Variants in CDA observed in about 807,000 individuals in gnomAD.
CDA encodes cytidine deaminase, also known as cytidine aminohydrolase.
A neutral mutation model predicts 15.0 loss-of-function variants in CDA; 7 were observed. The ratio of observed to expected loss-of-function variants is 0.47; its 90% CI spans 0.26 to 0.87. The LOEUF is 0.87. CDA is among the 40% of genes least tolerant of loss of function. CDA has a pLI of 0.15. For synonymous variants in CDA, 58 were observed against 73.0 expected (o/e 0.79, Z 1.05); for missense variants, 159 against 182.7 (o/e 0.87, Z 0.75).
At chr1:20,612,476 C>T (rs1399534720) in intron 2 of CDA, among the ~76,000 whole-genome samples, 3 of 151,904 alleles carry the variant, frequency 2.0e-5, no homozygotes, top group African/African-American at 7.3e-5. Context: ...CAATGAGTCT[C>T]ACGGTCTCCC....
intron 3 of CDA, among the ~76,000 whole-genome samples, chr1:20,615,963 G>A (rs1325403258): frequency 1.3e-5 from 2 of 152,130 alleles, no homozygotes; most frequent in Admixed American, 1.3e-4. Flanking sequence ...TCAAGCCACT[G>A]CACTCCTGCC....
At position 20,589,216 on chromosome 1, in the gene CDA, C is replaced by T. The variant is rs2101170934; in HGVS notation, c.87C>T (p.Ala29=). 6.2e-7 allele frequency: 1 copy of T among 1,613,824 alleles called. No individual in the cohort carries two copies. The highest frequency in any genetic ancestry group is 8.5e-7 in the Non-Finnish European group (1 of 1,179,770). ...LVCSQEAKKS[A]YCPYSHFPVG... Reference sequence around the variant, plus strand: ...GCTCCCAGGAGGCCAAGAAGTCAGCCTACTGCCCCTACAGTCACTTTCCTG... The same window carrying T: ...GCTCCCAGGAGGCCAAGAAGTCAGCTTACTGCCCCTACAGTCACTTTCCTG... The change falls in exon 1 of 4, where the codon GCC becomes GCT. Residue 29 remains alanine, a synonymous_variant. Transcript: ENST00000375071.
intron 1 of CDA, among the ~76,000 whole-genome samples, chr1:20,591,164 T>C (rs2052545625): frequency 1.3e-5 from 2 of 151,872 alleles, no homozygotes; most frequent in African/African-American, 4.8e-5. Context: ...ACGGTGAAAC[T>C]CCATCTCTAC....
intron 1 of CDA, among the ~76,000 whole-genome samples, chr1:20,591,388 C>T (rs2052547855): frequency 6.6e-6 from 1 of 152,150 alleles, no homozygotes; most frequent in Admixed American, 6.5e-5. Flanking sequence ...AGGAGGCACA[C>T]TTTCACTCAT....
In CDA at chr1:20,614,102, C is replaced by CGAGT. The variant is rs373249460; in HGVS notation, c.324+209_324+212dup. On this transcript the variant is annotated intron_variant, in intron 3 of 3. Coordinates refer to ENST00000375071, the MANE Select transcript of CDA (RefSeq NM_001785.3). ...ATTCCTTCATTTAACAAATACTTAC[C>CGAGT]GAGTGAGTGTCTGCTTTGTGCCAGG... 4.3e-3 allele frequency among the ~76,000 whole-genome samples: 651 copies of CGAGT among 152,288 alleles called. 6 individuals carry two copies. Among genetic ancestry groups the CGAGT allele is most frequent in the African/African-American group, 0.015 (611 of 41,550 alleles).
intron 2 of CDA, among the ~76,000 whole-genome samples, chr1:20,605,282 G>A (rs981806246): frequency 2.0e-5 from 3 of 152,052 alleles, no homozygotes; most frequent in African/African-American, 4.8e-5. Flanking sequence ...ACAAGGGCCA[G>A]TATGCCCCTG....
chr1:20,613,307 G>A (rs567671505), intron 2 of CDA, among the ~76,000 whole-genome samples: 9 of 152,002 alleles, frequency 5.9e-5, no homozygotes, highest in African/African-American at 1.2e-4. Context: ...GGATTCAAGC[G>A]ATTCTTCTGC....
intron 1 of CDA, among the ~76,000 whole-genome samples, chr1:20,590,523 C>T (rs1355947325): frequency 2.0e-5 from 3 of 152,170 alleles, no homozygotes; most frequent in Non-Finnish European, 4.4e-5. Flanking sequence ...GAAATCAGCC[C>T]TTGATTCTTT....
intron 3 of CDA, among the ~76,000 whole-genome samples, chr1:20,615,107 A>T (rs1335467475): frequency 6.6e-6 from 1 of 151,886 alleles, no homozygotes; most frequent in Non-Finnish European, 1.5e-5. Flanking sequence ...TTATCTGCCC[A>T]CCTCGGCCTC....
intron 2 of CDA, among the ~76,000 whole-genome samples, chr1:20,612,756 A>G (rs2052764769): frequency 6.6e-6 from 1 of 151,962 alleles, no homozygotes; most frequent in East Asian, 1.9e-4. Context: ...CATCCTGGCT[A>G]ACATAGTGAA....
chr1:20,604,918 C>G lies in CDA; in HGVS notation c.155-10C>G, dbSNP rs774961036. 9 of 1,586,264 alleles carry G rather than the reference C, an allele frequency of 5.7e-6. No homozygotes were observed. The highest frequency in any genetic ancestry group is 2.2e-5 in the South Asian group (2 of 89,362). ...GCCAGACATACCACTGGACTCTGCT[C>G]TCTTCTCAGGGTGCAACATAGAAAA... On this transcript the variant is annotated splice_polypyrimidine_tract_variant and intron_variant, in intron 1 of 3. Transcript: ENST00000375071.
chr1:20,618,119 G>A (rs1196919549), intron 3 of CDA, among the ~76,000 whole-genome samples: 21 of 151,632 alleles, frequency 1.4e-4, no homozygotes, highest in Admixed American at 1.4e-3. Flanking sequence ...AGGTGTAAAG[G>A]GGATACTGAA....
At chr1:20,589,540 G>C (rs1241274349) in intron 1 of CDA, among the ~76,000 whole-genome samples, 1 of 152,160 alleles carries the variant, frequency 6.6e-6, no homozygotes, top group Non-Finnish European at 1.5e-5. Context: ...GGAAGGGGAG[G>C]CCATAAATCA....
At chr1:20,590,148 C>G (rs767651984) in intron 1 of CDA, among the ~76,000 whole-genome samples, 1 of 152,138 alleles carries the variant, frequency 6.6e-6, no homozygotes, top group African/African-American at 2.4e-5. Context: ...TCGGGTGTGA[C>G]TTGCCTGGGT....
intron 1 of CDA, among the ~76,000 whole-genome samples, chr1:20,598,874 C>T (rs2052612512): frequency 6.6e-6 from 1 of 152,192 alleles, no homozygotes; most frequent in African/African-American, 2.4e-5. Flanking sequence ...TTCACTGTTC[C>T]AGGCCCAGGA....
At chr1:20,601,123 G>A (rs763097924) in intron 1 of CDA, among the ~76,000 whole-genome samples, 2 of 152,212 alleles carry the variant, frequency 1.3e-5, no homozygotes, top group African/African-American at 2.4e-5. Context: ...CCAGACCTCA[G>A]GGGCAACTGG....
At chr1:20,613,947 C>A in intron 3 of CDA, 48 bp downstream of exon 3, 1 of 1,572,676 alleles carries the variant, frequency 6.4e-7, no homozygotes, top group Non-Finnish European at 8.7e-7. Flanking sequence ...TTCCCTGTCG[C>A]AGGCTATGGG....
chr1:20,591,198 G>T (rs11589869), intron 1 of CDA, among the ~76,000 whole-genome samples: 1 of 151,964 alleles, frequency 6.6e-6, no homozygotes, highest in Non-Finnish European at 1.5e-5. Flanking sequence ...AAAAATAGCC[G>T]GGCGTGGTGA....
At chr1:20,610,292 T>TTTTTTTTTA (rs1570385187) in intron 2 of CDA, among the ~76,000 whole-genome samples, 2 of 146,684 alleles carry the variant, frequency 1.4e-5, no homozygotes, top group Non-Finnish European at 3.0e-5. Flanking sequence ...TTATTTTTAT[T>TTTTTTTTTA]TTTATTTATT....
Sources: gnomAD v4.1 joint callset for allele counts (sites outside exome capture counted in the v4.1 genomes callset) on GRCh38, gnomAD v4.1.1 for gene constraint, MANE v1.5 for transcripts, NCBI Gene and HGNC (gene_info 2026-07-23, HGNC 2026-07-21) for gene names.